The following RNF19B variants were observed in gnomAD, a reference collection of about 807,000 sequenced individuals.
The protein encoded by RNF19B is E3 ubiquitin-protein ligase RNF19B.
In RNF19B, 23 loss-of-function variants were observed where a neutral mutation model predicts 65.5. The observed-to-expected ratio is 0.35, with a 90% confidence interval of 0.25 to 0.50. The LOEUF (loss-of-function observed/expected upper bound fraction) is 0.50. RNF19B is among the 20% of genes least tolerant of loss of function. RNF19B has a pLI of 0.98. For synonymous variants in RNF19B, 372 were observed against 379.6 expected (o/e 0.98, Z 0.23); for missense variants, 794 against 980.0 (o/e 0.81, Z 2.53).
intron 1 of RNF19B, among the ~76,000 whole-genome samples, chr1:32,961,719 A>G (rs194660): frequency 0.19 from 28,510 of 152,058 alleles, 3,288 homozygotes; most frequent in East Asian, 0.33. Flanking sequence ...GAGGATACTA[A>G]CATAATACTT....
chr1:32,963,353 C>A (rs1642816786), intron 1 of RNF19B, among the ~76,000 whole-genome samples: 1 of 152,146 alleles, frequency 6.6e-6, no homozygotes, highest in Non-Finnish European at 1.5e-5. Flanking sequence ...CCCTCCGACG[C>A]GCTGCCCCCT....
Position 32,937,157 on chromosome 1 carries a change from A to G in RNF19B, c.1845T>C (p.Ala615=), listed in dbSNP as rs1557562706. 6.2e-7 allele frequency: 1 copy of G among 1,614,106 alleles called. No individual in the cohort carries two copies. The highest frequency in any genetic ancestry group is 8.5e-7 in the Non-Finnish European group (1 of 1,180,032). ...CTTCTTCTTCATTCTCTGCCATCTG[A>G]GCATGAACATGGAGCGAGTCCTCCG... is the stretch of plus-strand genomic sequence containing the variant. ...SSTEDSLHVH[A]QMAENEEEGS... is the part of the protein sequence containing the mutation. The change falls in exon 9 of 9, where the codon GCT becomes GCC. Residue 615 remains alanine, a synonymous_variant. Transcript: ENST00000235150.
rs1642856172 is a variant in RNF19B at position 32,964,478 on chromosome 1, C to T, written c.208G>A (p.Ala70Thr). Residue 70 changes from alanine to threonine, a missense_variant, in exon 1 of 9, where the codon GCC becomes ACC. Around this residue, in one of 3 missense-constraint regions of RNF19B, gnomAD observed 374 missense variants for 423.8 expected, o/e 0.88. Transcript: ENST00000235150. The surrounding 1 kb of genome is among the most constrained non-coding windows in gnomAD (Gnocchi z 6.5). ...TCGGGCGGCGGGCCCTGGGCCGCGGCAGGGGCCGGGGCGGGCGGCGGCTGC... is the reference window on the plus strand; with the variant it reads ...TCGGGCGGCGGGCCCTGGGCCGCGGTAGGGGCCGGGGCGGGCGGCGGCTGC... ...AAQPPPAPAP[A>T]AAQGPPPEAL... is the part of the protein sequence containing the mutation. 3.1e-6 allele frequency: 3 copies of T among 957,046 alleles called. No individual in the cohort carries two copies. Among genetic ancestry groups the T allele is most frequent in the South Asian group, 4.8e-5 (1 of 20,970 alleles). The allele number at this position is 957,046 out of a possible 1,614,324, so 59.3% of individuals were successfully genotyped here. A position where few individuals can be genotyped will look rare whatever the true frequency, so the allele number is the denominator to read the frequency against.
At chr1:32,961,015 CAAA>C (rs5773391) in intron 1 of RNF19B, among the ~76,000 whole-genome samples, 1 of 150,508 alleles carries the variant, frequency 6.6e-6, no homozygotes, top group Non-Finnish European at 1.5e-5. Context: ...GACGCTGTCT[CAAA>C]AAAAAAGAGA....
chr1:32,929,294 C>T, the RNF19B span, among the ~76,000 whole-genome samples: 1 of 152,234 alleles, frequency 6.6e-6, no homozygotes, highest in African/African-American at 2.4e-5. Flanking sequence ...GTACAACAAT[C>T]GAATTAGGGG....
Position 32,964,086 on chromosome 1 carries a change from G to C in RNF19B, c.600C>G (p.Asp200Glu). The change falls in exon 1 of 9, where the codon GAC becomes GAG. Residue 200 changes from aspartate (D) to glutamate (E), a missense_variant. By Grantham distance (45) the Asp-to-Glu change is conservative (BLOSUM62 2). Transcript: ENST00000235150. The surrounding 1 kb of genome is among the most constrained non-coding windows in gnomAD (Gnocchi z 6.5). ...GGGCCGGGCACCAGCGGCAGTCGGG[G>C]TCCGAGGCTAGGTAGCGGCGCAGCA... ...EFMLRRYLAS[D>E]PDCRWCPAPD... The C allele has an allele frequency of 6.6e-7, 1 of 1,525,402 alleles. No homozygotes were observed. The highest frequency in any genetic ancestry group is 8.8e-7 in the Non-Finnish European group (1 of 1,136,792). The allele number at this position is 1,525,402 out of a possible 1,614,324, so 94.5% of individuals were successfully genotyped here. A position where few individuals can be genotyped will look rare whatever the true frequency, so the allele number is the denominator to read the frequency against.
In RNF19B at chr1:32,964,208, G is replaced by C. The variant is rs1416843827; in HGVS notation, c.478C>G (p.Pro160Ala). 6.5e-7 allele frequency: 1 copy of C among 1,546,482 alleles called. No homozygotes were observed. The highest frequency in any genetic ancestry group is 2.0e-5 in the Admixed American group (1 of 50,680). Reference protein sequence around the residue: ...LRLEISESRVPISCPECSERL... With the variant: ...LRLEISESRVAISCPECSERL... ...TCGCTGCACTCGGGGCAGCTGATGGGCACCCTGCTCTCGCTTATCTCCAGG... is the reference window on the plus strand; with the variant it reads ...TCGCTGCACTCGGGGCAGCTGATGGCCACCCTGCTCTCGCTTATCTCCAGG... The change falls in exon 1 of 9, where the codon CCC (proline) becomes GCC (alanine). Residue 160 changes from proline to alanine, a missense_variant. Physicochemically the swap from Pro to Ala is conservative, Grantham distance 27. Coordinates refer to ENST00000235150, the MANE Select transcript of RNF19B (RefSeq NM_001300826.2). This position sits in a 1 kb window ranked among gnomAD's most constrained non-coding sequence, Gnocchi z 6.5.
chr1:32,946,372 C>T (rs765886239), intron 4 of RNF19B, 30 bp downstream of exon 4: 2 of 1,605,080 alleles, frequency 1.2e-6, no homozygotes, highest in African/African-American at 2.7e-5. Flanking sequence ...AAAGTTGAAA[C>T]AAGCACAGAA....
At chr1:32,930,644 G>A in the RNF19B span, among the ~76,000 whole-genome samples, 6 of 152,144 alleles carry the variant, frequency 3.9e-5, no homozygotes, top group Admixed American at 3.9e-4. Context: ...CTGGCCTCAA[G>A]CAGTCCTCCC....
downstream of RNF19B, among the ~76,000 whole-genome samples, chr1:32,934,219 T>G (rs527452909): frequency 1.9e-3 from 290 of 152,362 alleles, no homozygotes; most frequent in African/African-American, 6.6e-3. Flanking sequence ...AAGCTGGCTG[T>G]TGTCCAGACT....
chr1:32,951,802 C>CTT (rs34519392), intron 1 of RNF19B, among the ~76,000 whole-genome samples: 2 of 145,134 alleles, frequency 1.4e-5, no homozygotes, highest in Non-Finnish European at 3.0e-5. Flanking sequence ...GACACATATT[C>CTT]TTTTTTTTTT....
chr1:32,931,818 T>C (rs1048224403), downstream of RNF19B, among the ~76,000 whole-genome samples: 24 of 152,376 alleles, frequency 1.6e-4, no homozygotes, highest in African/African-American at 4.3e-4. Context: ...TGATCTATCA[T>C]GGCAGCCCTT....
At chr1:32,961,578 A>C (rs1215975409) in intron 1 of RNF19B, among the ~76,000 whole-genome samples, 4 of 152,200 alleles carry the variant, frequency 2.6e-5, no homozygotes, top group Admixed American at 6.5e-5. Flanking sequence ...AGGTATTGAG[A>C]GGCCAGCTTT....
intron 6 of RNF19B, among the ~76,000 whole-genome samples, chr1:32,942,853 A>T (rs1642270133): frequency 6.6e-6 from 1 of 152,306 alleles, no homozygotes; most frequent in Admixed American, 6.5e-5. Context: ...GAAAGCTAGA[A>T]AAACCGGCCG....
downstream of RNF19B, among the ~76,000 whole-genome samples, chr1:32,932,084 A>G (rs140920727): frequency 6.6e-6 from 1 of 152,348 alleles, no homozygotes; most frequent in African/African-American, 2.4e-5. Context: ...TTAAGTGGAA[A>G]AGGATTCAAC....
rs76360252 is a variant in RNF19B at position 32,950,857 on chromosome 1, T to C, written c.636-1083A>G. On this transcript the variant is annotated intron_variant, in intron 1 of 8. Coordinates refer to ENST00000235150, the MANE Select transcript of RNF19B (RefSeq NM_001300826.2). The stretch of plus-strand genomic sequence containing the variant: ...ACCTTTTCATTCTTTTTTTTTTTTT[T>C]TTGAGATGGAGTCTCGCTCTGTCGC... 7.9e-5 allele frequency among the ~76,000 whole-genome samples: 12 copies of C among 151,196 alleles called. No individual in the cohort carries two copies. In the South Asian group the frequency reaches 2.5e-3, roughly 32 times the overall value.
At chr1:32,945,654 G>A in intron 4 of RNF19B, 26 bp from the exon 5 acceptor site, 1 of 1,416,168 alleles carries the variant, frequency 7.1e-7, no homozygotes, top group Non-Finnish European at 1.0e-6. Flanking sequence ...GAAAATCCAG[G>A]TCAGCAGGTT....
intron 7 of RNF19B, 27 bp from the exon 8 acceptor site, chr1:32,938,555 AAT>A: frequency 6.2e-7 from 1 of 1,610,526 alleles, no homozygotes; most frequent in Non-Finnish European, 8.5e-7. Flanking sequence ...CGTTCAAGTT[AAT>A]ATGAGACCTG....
chr1:32,949,631 T>G lies in RNF19B; in HGVS notation c.779A>C (p.Gln260Pro), dbSNP rs776360908. 1.8e-5 allele frequency: 29 copies of G among 1,613,914 alleles called. No individual in the cohort carries two copies. The highest frequency in any genetic ancestry group is 2.4e-5 in the Non-Finnish European group (28 of 1,180,034). Residue 260 changes from glutamine to proline, a missense_variant, in exon 2 of 9, where the codon CAG (glutamine) becomes CCG (proline). Gln to Pro is a moderately conservative substitution (Grantham distance 76). This residue lies in a region of RNF19B where 374 missense variants were observed against 423.8 expected (regional missense o/e 0.88). Coordinates refer to ENST00000235150, the MANE Select transcript of RNF19B (RefSeq NM_001300826.2). The stretch of plus-strand genomic sequence containing the variant: ...GTGTTTGGTCCGAACTCGTAAAGTC[T>G]GGGCCCTCTGTTGACGGGCCATATC... ...TCDMARQQRA[Q>P]TLRVRTKHTS...
Sources: gnomAD v4.1 joint callset for allele counts (sites outside exome capture counted in the v4.1 genomes callset) on GRCh38, gnomAD v4.1.1 for gene constraint, gnomAD v4.1.1 regional missense constraint, Gnocchi (gnomAD v3.1) non-coding constraint, MANE v1.5 for transcripts, NCBI Gene and HGNC (gene_info 2026-07-23, HGNC 2026-07-21) for gene names.